SH3KBP1: variants seen among roughly 807,000 people sequenced by gnomAD.
SH3KBP1 encodes the protein SH3 domain containing kinase binding protein 1.
Under a neutral mutation model 50.1 loss-of-function variants are expected in SH3KBP1, and 8 were observed. The ratio of observed to expected loss-of-function variants is 0.16; its 90% CI spans 0.09 to 0.29. SH3KBP1 has a LOEUF of 0.29. Among genes scored for constraint, SH3KBP1 ranks in the 10% least tolerant of loss-of-function variants. The pLI is 1.00. For missense variants in SH3KBP1, 377 were observed against 535.2 expected, an observed-to-expected ratio of 0.70 and a Z score of 2.92; for synonymous variants, 227 against 218.6, an observed-to-expected ratio of 1.04 and a Z score of -0.34.
chrX:19,799,569 T>C, intron 2 of SH3KBP1: 1 of 1,101,904 alleles, frequency 9.1e-7, no homozygotes, highest in South Asian at 1.9e-5. Context: ...TACAAAGTAG[T>C]CGGGCAACAG....
At chrX:19,647,913 A>C (rs1602809792) in intron 6 of SH3KBP1, 1 of 326,591 alleles carries the variant, frequency 3.1e-6, no homozygotes, top group East Asian at 7.9e-5. Flanking sequence ...TGGGATTCTG[A>C]TGCATGCTCA....
intron 2 of SH3KBP1, among the ~76,000 whole-genome samples, chrX:19,766,784 C>G (rs370784114): frequency 3.6e-3 from 394 of 110,681 alleles, no homozygotes; most frequent in African/African-American, 0.012. Flanking sequence ...AGCCACCACG[C>G]CTGGTCCGAT....
At chrX:19,812,895 A>G (rs761211113) in intron 2 of SH3KBP1, among the ~76,000 whole-genome samples, 1 of 111,029 alleles carries the variant, frequency 9.0e-6, no homozygotes, top group Non-Finnish European at 1.9e-5. Flanking sequence ...GAATCGCTTG[A>G]GCCCGGGAGG....
intron 8 of SH3KBP1, among the ~76,000 whole-genome samples, chrX:19,619,653 A>G (rs1359529391): frequency 1.8e-5 from 2 of 111,164 alleles, no homozygotes; most frequent in African/African-American, 6.5e-5. Context: ...GTGGTGGCGC[A>G]TGCCTATAAT....
chrX:19,867,003 A>G (rs2068928681), intron 1 of SH3KBP1, among the ~76,000 whole-genome samples: 1 of 111,306 alleles, frequency 9.0e-6, no homozygotes, highest in African/African-American at 3.3e-5. Context: ...ATGCGATCCC[A>G]TTAAATTTCT....
intron 7 of SH3KBP1, among the ~76,000 whole-genome samples, chrX:19,636,361 A>G (rs2061703580): frequency 1.8e-5 from 2 of 109,939 alleles, no homozygotes; most frequent in African/African-American, 6.6e-5. Context: ...ACAACAAACC[A>G]TACACACACA....
At chrX:19,875,565 G>T (rs1321437729) in intron 1 of SH3KBP1, among the ~76,000 whole-genome samples, 1 of 112,377 alleles carries the variant, frequency 8.9e-6, no homozygotes, top group East Asian at 2.8e-4. Flanking sequence ...ACAGGGCAGG[G>T]CTTCATTTGG....
intron 2 of SH3KBP1, among the ~76,000 whole-genome samples, chrX:19,823,505 C>T (rs1295020287): frequency 8.9e-6 from 1 of 112,116 alleles, no homozygotes; most frequent in Non-Finnish European, 1.9e-5. Context: ...TTCCTTCTTA[C>T]ATGACCCCTC....
chrX:19,677,579 C>T (rs1024408660), intron 6 of SH3KBP1, among the ~76,000 whole-genome samples: 2 of 112,086 alleles, frequency 1.8e-5, no homozygotes, highest in Non-Finnish European at 3.8e-5. Context: ...TCCAGCTAGT[C>T]TAACCCATGT....
chrX:19,837,786 A>G (rs751767708), intron 1 of SH3KBP1, among the ~76,000 whole-genome samples: 4 of 111,073 alleles, frequency 3.6e-5, no homozygotes, highest in Non-Finnish European at 7.5e-5. Context: ...GAATGAATGA[A>G]TGGCAAATGA....
At chrX:19,755,395 T>C (rs192493096) in intron 2 of SH3KBP1, among the ~76,000 whole-genome samples, 59 of 111,058 alleles carry the variant, frequency 5.3e-4, no homozygotes, top group African/African-American at 1.9e-3. Context: ...TAAAAATAAA[T>C]TACAGAAAAC....
chrX:19,826,965 A>C (rs951868740), intron 2 of SH3KBP1, among the ~76,000 whole-genome samples: 3 of 112,230 alleles, frequency 2.7e-5, no homozygotes, highest in African/African-American at 9.7e-5. Flanking sequence ...TGATCCCTTC[A>C]TAAATCAAGA....
At chrX:19,687,774 A>T in intron 5 of SH3KBP1, 4 of 718,663 alleles carry the variant, frequency 5.6e-6, no homozygotes, top group Non-Finnish European at 8.8e-6. Flanking sequence ...AAGAAGGAAG[A>T]GGAAGAGTCT....
chrX:19,873,294 A>ATG (rs2069119058), intron 1 of SH3KBP1, among the ~76,000 whole-genome samples: 1 of 99,005 alleles, frequency 1.0e-5, no homozygotes, highest in Admixed American at 1.1e-4. Context: ...ATATATGTAT[A>ATG]TATATATATA....
At chrX:19,668,170 G>T (rs765542580) in intron 6 of SH3KBP1, among the ~76,000 whole-genome samples, 14 of 111,664 alleles carry the variant, frequency 1.3e-4, no homozygotes, top group African/African-American at 4.2e-4. Flanking sequence ...ATCATTTAAT[G>T]AAGAGTGATG....
intron 2 of SH3KBP1, chrX:19,799,693 G>A: frequency 8.3e-7 from 1 of 1,208,782 alleles, no homozygotes; most frequent in Non-Finnish European, 1.1e-6. Context: ...ATTCTGTGAA[G>A]TATGAAATGG....
chrX:19,803,102 A>C (rs749592532), intron 2 of SH3KBP1, among the ~76,000 whole-genome samples: 1 of 111,525 alleles, frequency 9.0e-6, no homozygotes, highest in Non-Finnish European at 1.9e-5. Flanking sequence ...TATCCAGATC[A>C]CACTTAGCGC....
At chrX:19,592,023 G>T in intron 11 of SH3KBP1, 44 bp downstream of exon 11, 1 of 1,047,795 alleles carries the variant, frequency 9.5e-7, no homozygotes, top group Non-Finnish European at 1.3e-6. Flanking sequence ...GACAGCTTCA[G>T]CTCCTGCTGT....
At chrX:19,780,740 G>T (rs2066153962) in intron 2 of SH3KBP1, among the ~76,000 whole-genome samples, 1 of 108,509 alleles carries the variant, frequency 9.2e-6, no homozygotes, top group Admixed American at 1.0e-4. Flanking sequence ...GTTTGTCAAA[G>T]ATCAGATAGT....
Sources: allele counts gnomAD v4.1 joint callset (sites outside exome capture counted in the v4.1 genomes callset), GRCh38; gene constraint gnomAD v4.1.1; transcripts MANE v1.5; gene names NCBI Gene and HGNC (gene_info 2026-07-23, HGNC 2026-07-21).